EFCAB8: variants seen among roughly 807,000 people sequenced by gnomAD.
The protein encoded by EFCAB8 is EF-hand calcium-binding domain-containing protein 8.
A neutral mutation model predicts 116.3 loss-of-function variants in EFCAB8; 100 were observed. That is an observed-to-expected ratio of 0.86 (90% CI 0.73 to 1.02). The LOEUF (loss-of-function observed/expected upper bound fraction) is 1.02. EFCAB8 is among the 50% of genes least tolerant of loss of function. The pLI is 0.00. For synonymous variants in EFCAB8, 558 were observed against 567.9 expected (o/e 0.98, Z 0.25); for missense variants, 1,320 against 1,416.9 (o/e 0.93, Z 1.10).
intron 3 of EFCAB8, among the ~76,000 whole-genome samples, chr20:32,868,940 A>G (rs1038389974): frequency 1.3e-5 from 2 of 152,016 alleles, no homozygotes; most frequent in Non-Finnish European, 2.9e-5. Flanking sequence ...AGCCAAGGTC[A>G]TGCCACTTTA....
intron 3 of EFCAB8, among the ~76,000 whole-genome samples, chr20:32,868,281 C>CA (rs1327395686): frequency 6.6e-6 from 1 of 152,038 alleles, no homozygotes; most frequent in Admixed American, 6.6e-5. Context: ...AGGCTGGTCT[C>CA]AAACTCCTGG....
At chr20:32,909,416 G>T (rs757890461) in intron 14 of EFCAB8, among the ~76,000 whole-genome samples, 2 of 152,172 alleles carry the variant, frequency 1.3e-5, no homozygotes, top group Admixed American at 6.5e-5. Context: ...AGATAATTTC[G>T]GTAGAAAGTG....
intron 4 of EFCAB8, among the ~76,000 whole-genome samples, chr20:32,876,920 A>G (rs1985004251): frequency 6.6e-6 from 1 of 152,154 alleles, no homozygotes; most frequent in South Asian, 2.1e-4. Flanking sequence ...GTGAGCTGAG[A>G]TTGCACCACT....
chr20:32,956,221 A>C (rs1951702616), intron 23 of EFCAB8, among the ~76,000 whole-genome samples: 1 of 151,936 alleles, frequency 6.6e-6, no homozygotes, highest in Non-Finnish European at 1.5e-5. Context: ...CATCCCTCCC[A>C]TGTTTATGTT....
chr20:32,867,927 C>T (rs1984508682), intron 3 of EFCAB8, among the ~76,000 whole-genome samples, 180 bp downstream of exon 3: 1 of 152,048 alleles, frequency 6.6e-6, no homozygotes, highest in South Asian at 2.1e-4. Context: ...GCCTCAACCT[C>T]CCATGCTCAA....
intron 17 of EFCAB8, 150 bp downstream of exon 17, chr20:32,913,014 TC>T: frequency 1.6e-6 from 1 of 618,796 alleles, no homozygotes; most frequent in South Asian, 2.1e-5. Flanking sequence ...TGCTCATCCA[TC>T]CATTTATTCA....
chr20:32,953,445 A>C (rs912494362), intron 23 of EFCAB8, among the ~76,000 whole-genome samples: 1 of 152,208 alleles, frequency 6.6e-6, no homozygotes, highest in Non-Finnish European at 1.5e-5. Context: ...ATCCCACCAA[A>C]CATGCACAAG....
intron 6 of EFCAB8, 61 bp downstream of exon 6, chr20:32,885,701 C>T (rs1985589975): frequency 1.3e-6 from 2 of 1,529,368 alleles, no homozygotes; most frequent in Non-Finnish European, 8.8e-7. Context: ...TGCCTTAGCA[C>T]CCCCATGGTG....
chr20:32,867,625 C>T lies in EFCAB8; in HGVS notation c.86C>T (p.Ser29Phe), dbSNP rs1417711885. ...HGFQNKEAAS[S>F]PTPSITLSQV... ...TTCCAGAACAAGGAGGCTGCTAGCT[C>T]CCCAACACCATCCATCACCCTTAGC... The change falls in exon 3 of 27, where the codon TCC (serine) becomes TTC (phenylalanine). Residue 29 changes from serine to phenylalanine, a missense_variant. Coordinates refer to ENST00000400522, the MANE Select transcript of EFCAB8 (RefSeq NM_001143967.2). 1 of 1,551,660 alleles carries T rather than the reference C, an allele frequency of 6.4e-7. No homozygotes were observed. The highest frequency in any genetic ancestry group is 8.7e-7 in the Non-Finnish European group (1 of 1,146,990).
intron 22 of EFCAB8, among the ~76,000 whole-genome samples, chr20:32,939,147 C>G (rs1988267465): frequency 1.8e-5 from 1 of 56,188 alleles, no homozygotes; most frequent in African/African-American, 8.6e-5. Context: ...TTCTTTCTTT[C>G]TTTCTTTCTT....
chr20:32,890,880 G>T (rs73904066), intron 7 of EFCAB8, among the ~76,000 whole-genome samples: 12,291 of 152,328 alleles, frequency 0.081, 1,559 homozygotes, highest in African/African-American at 0.27. Context: ...GTGTGAAGCT[G>T]CTGGCATAGT....
At chr20:32,936,476 G>C (rs1988124010) in intron 22 of EFCAB8, among the ~76,000 whole-genome samples, 2 of 152,020 alleles carry the variant, frequency 1.3e-5, no homozygotes, top group South Asian at 4.1e-4. Flanking sequence ...AATCCATTTT[G>C]AGTTGATTTT....
At chr20:32,946,853 C>T (rs528376086) in intron 23 of EFCAB8, among the ~76,000 whole-genome samples, 1 of 152,236 alleles carries the variant, frequency 6.6e-6, no homozygotes, top group South Asian at 2.1e-4. Flanking sequence ...TATAGTTTTG[C>T]CTTTTCCAGA....
intron 10 of EFCAB8, 138 bp downstream of exon 10, chr20:32,896,665 G>A (rs1272170080): frequency 1.8e-5 from 11 of 622,520 alleles, no homozygotes; most frequent in Admixed American, 2.7e-5. Flanking sequence ...AACAGGTTGC[G>A]GCAGCTGTTG....
intron 23 of EFCAB8, among the ~76,000 whole-genome samples, chr20:32,944,248 T>C (rs1988509855): frequency 6.6e-6 from 1 of 152,078 alleles, no homozygotes; most frequent in Admixed American, 6.5e-5. Flanking sequence ...CCCCTTTTCC[T>C]CCTGTGCTGT....
At chr20:32,875,804 T>A (rs1356137196) in intron 3 of EFCAB8, 122 bp from the exon 4 acceptor site, 1 of 809,462 alleles carries the variant, frequency 1.2e-6, no homozygotes, top group East Asian at 2.8e-5. Context: ...CCACCGCGCC[T>A]GGCCGTAGAT....
Position 32,908,336 on chromosome 20 carries a change from T to C in EFCAB8, c.1370T>C (p.Phe457Ser). The change falls in exon 14 of 27, where the codon TTT (phenylalanine) becomes TCT (serine). Residue 457 changes from phenylalanine to serine, a missense_variant. Coordinates refer to ENST00000400522, the MANE Select transcript of EFCAB8 (RefSeq NM_001143967.2). The stretch of plus-strand genomic sequence containing the variant: ...CTCCAGTCCTTCTGTGGGAAGTTTT[T>C]TGCTCTGGGAAACTGCCCCATCACC... ...ICLQSFCGKF[F>S]ALGNCPITSA... is the part of the protein sequence containing the mutation. The C allele has an allele frequency of 1.6e-6, 2 of 1,249,978 alleles. No homozygotes were observed. Among genetic ancestry groups the C allele is most frequent in the Non-Finnish European group, 1.0e-6 (1 of 988,268 alleles). 77.4% of individuals were successfully genotyped at this position (1,249,978 alleles called of 1,614,324 possible).
chr20:32,890,000 T>TAAA (rs35488921), intron 7 of EFCAB8, among the ~76,000 whole-genome samples: 1 of 113,500 alleles, frequency 8.8e-6, no homozygotes, highest in Admixed American at 9.3e-5. Flanking sequence ...GACTCAGTCT[T>TAAA]AAAAAAAAAA....
chr20:32,869,582 G>T (rs148359942), intron 3 of EFCAB8, among the ~76,000 whole-genome samples: 1 of 152,190 alleles, frequency 6.6e-6, no homozygotes, highest in African/African-American at 2.4e-5. Context: ...TGTGCACATA[G>T]TCCTGCACAC....
Sources: gnomAD v4.1 joint callset for allele counts (sites outside exome capture counted in the v4.1 genomes callset) on GRCh38, gnomAD v4.1.1 for gene constraint, MANE v1.5 for transcripts, NCBI Gene and HGNC (gene_info 2026-07-23, HGNC 2026-07-21) for gene names.